The following MBD5 variants were observed in gnomAD, a reference collection of about 807,000 sequenced individuals.
The protein encoded by MBD5 is methyl-CpG binding domain protein 5, also known as methyl-CpG-binding domain protein 5.
Under a neutral mutation model 117.3 loss-of-function variants are expected in MBD5, and 13 were observed. The ratio of observed to expected loss-of-function variants is 0.11; its 90% CI spans 0.07 to 0.18. The LOEUF is 0.18. MBD5 is among the 10% of genes least tolerant of loss of function. The pLI is 1.00. For synonymous variants in MBD5, 727 were observed against 766.4 expected (o/e 0.95, Z 0.85); for missense variants, 1,879 against 2,093.8 (o/e 0.90, Z 2.00).
intron 1 of MBD5, among the ~76,000 whole-genome samples, chr2:148,137,898 C>T (rs1697210075): frequency 6.6e-6 from 1 of 152,098 alleles, no homozygotes; most frequent in Non-Finnish European, 1.5e-5. Flanking sequence ...TGTCATATAG[C>T]CTACATGTGT....
chr2:148,396,926 C>T (rs576274913), intron 4 of MBD5, among the ~76,000 whole-genome samples: 1 of 152,270 alleles, frequency 6.6e-6, no homozygotes, highest in South Asian at 2.1e-4. Flanking sequence ...GCAAATTACA[C>T]TTTTGAGCGT....
At chr2:148,286,074 G>C (rs1358491855) in intron 3 of MBD5, among the ~76,000 whole-genome samples, 3 of 151,940 alleles carry the variant, frequency 2.0e-5, no homozygotes, top group Non-Finnish European at 4.4e-5. Context: ...TATTTCAATT[G>C]AAAGAATTTA....
intron 1 of MBD5, among the ~76,000 whole-genome samples, chr2:148,052,575 AC>A (rs1694744487): frequency 7.3e-6 from 1 of 136,280 alleles, no homozygotes; most frequent in Non-Finnish European, 1.6e-5. Flanking sequence ...TTTTCTGCAT[AC>A]TATAAGTTTT....
chr2:148,037,162 T>G (rs1256385687), intron 1 of MBD5, among the ~76,000 whole-genome samples: 1 of 151,962 alleles, frequency 6.6e-6, no homozygotes, highest in Non-Finnish European at 1.5e-5. Context: ...TTAATGGAGA[T>G]TTTTACATAA....
chr2:148,059,575 C>T (rs1326242573), intron 1 of MBD5, among the ~76,000 whole-genome samples: 5 of 152,110 alleles, frequency 3.3e-5, no homozygotes, highest in Non-Finnish European at 5.9e-5. Flanking sequence ...AGGCCGGGCG[C>T]GGTGGTTCAT....
intron 1 of MBD5, among the ~76,000 whole-genome samples, chr2:148,169,757 A>G (rs1303170501): frequency 6.6e-6 from 1 of 152,150 alleles, no homozygotes; most frequent in Non-Finnish European, 1.5e-5. Context: ...TTTTTCAGTG[A>G]GCTCACATCC....
At chr2:148,022,385 C>A (rs1297141385) in intron 1 of MBD5, among the ~76,000 whole-genome samples, 1 of 151,928 alleles carries the variant, frequency 6.6e-6, no homozygotes, top group African/African-American at 2.4e-5. Context: ...TATATAAAGT[C>A]CAAAGCTCTA....
intron 1 of MBD5, among the ~76,000 whole-genome samples, chr2:148,096,590 C>G (rs562868305): frequency 5.3e-5 from 8 of 152,220 alleles, no homozygotes; most frequent in African/African-American, 1.9e-4. Context: ...TTCCTTGGCT[C>G]TGATTGTTCT....
chr2:148,323,985 T>A (rs1322596681), intron 3 of MBD5, among the ~76,000 whole-genome samples: 3 of 152,208 alleles, frequency 2.0e-5, no homozygotes, highest in Non-Finnish European at 4.4e-5. Flanking sequence ...GGTCTAACGT[T>A]TAAGTCTTTA....
At chr2:148,076,755 C>T (rs2105125467) in intron 1 of MBD5, among the ~76,000 whole-genome samples, 1 of 152,284 alleles carries the variant, frequency 6.6e-6, no homozygotes, top group South Asian at 2.1e-4. Context: ...CTCAGTTATT[C>T]ATCAAATATT....
chr2:148,024,549 A>G (rs1255348651), intron 1 of MBD5, among the ~76,000 whole-genome samples: 1 of 152,182 alleles, frequency 6.6e-6, no homozygotes, highest in African/African-American at 2.4e-5. Flanking sequence ...AGAGTTAGGC[A>G]TATTTGAATT....
intron 1 of MBD5, among the ~76,000 whole-genome samples, chr2:148,047,749 T>G (rs1361344383): frequency 6.6e-6 from 1 of 152,200 alleles, no homozygotes; most frequent in Non-Finnish European, 1.5e-5. Flanking sequence ...TGAGAATACC[T>G]CCTTTGGCAG....
At chr2:148,308,035 C>T (rs1701936042) in intron 3 of MBD5, among the ~76,000 whole-genome samples, 1 of 152,128 alleles carries the variant, frequency 6.6e-6, no homozygotes, top group African/African-American at 2.4e-5. Context: ...TTTATCTAGT[C>T]TATCACTGAT....
At chr2:148,414,059 A>G (rs1196723059) in intron 4 of MBD5, among the ~76,000 whole-genome samples, 2 of 151,894 alleles carry the variant, frequency 1.3e-5, no homozygotes, top group African/African-American at 2.4e-5. Context: ...GTGTGATATT[A>G]TGTTGTTAAT....
At chr2:148,484,831 G>T (rs1681284980) in intron 9 of MBD5, among the ~76,000 whole-genome samples, 1 of 152,180 alleles carries the variant, frequency 6.6e-6, no homozygotes. Flanking sequence ...AATATAAAGT[G>T]TGGGGATGGT....
intron 4 of MBD5, among the ~76,000 whole-genome samples, chr2:148,440,199 A>G (rs1161288813): frequency 6.6e-6 from 1 of 152,206 alleles, no homozygotes; most frequent in African/African-American, 2.4e-5. Context: ...CTAATCTATT[A>G]TTTTTACAAA....
chr2:148,285,812 G>C (rs1279325560), intron 3 of MBD5, among the ~76,000 whole-genome samples: 1 of 151,936 alleles, frequency 6.6e-6, no homozygotes, highest in East Asian at 1.9e-4. Flanking sequence ...ACCCACCTTG[G>C]CCTCCCAAAG....
chr2:148,185,510 G>A (rs1698632829), intron 2 of MBD5, among the ~76,000 whole-genome samples: 1 of 152,080 alleles, frequency 6.6e-6, no homozygotes, highest in African/African-American at 2.4e-5. Flanking sequence ...CATGATATTG[G>A]AAAACAGTTT....
At chr2:148,035,416 A>G (rs976196705) in intron 1 of MBD5, among the ~76,000 whole-genome samples, 1 of 152,126 alleles carries the variant, frequency 6.6e-6, no homozygotes, top group African/African-American at 2.4e-5. Context: ...GCTATTTTAA[A>G]GCTTTCTTGA....
Sources: gnomAD v4.1 joint callset for allele counts (sites outside exome capture counted in the v4.1 genomes callset) on GRCh38, gnomAD v4.1.1 for gene constraint, MANE v1.5 for transcripts, NCBI Gene and HGNC (gene_info 2026-07-23, HGNC 2026-07-21) for gene names.